SYTL2: variants seen among roughly 807,000 people sequenced by gnomAD.
The protein encoded by SYTL2 is synaptotagmin-like protein 2.
SYTL2 carries 165 observed loss-of-function variants against 198.7 expected under a neutral mutation model. That is an observed-to-expected ratio of 0.83 (90% confidence interval 0.73 to 0.94). The LOEUF (loss-of-function observed/expected upper bound fraction) is 0.94. SYTL2 is among the 40% of genes least tolerant of loss of function. The pLI is 0.00. For synonymous variants in SYTL2, 966 were observed against 917.7 expected (o/e 1.05, Z -0.95); for missense variants, 2,835 against 2,582.8 (o/e 1.10, Z -2.12).
chr11:85,789,340 G>GTATATATA (rs56956411), intron 1 of SYTL2, among the ~76,000 whole-genome samples: 2 of 62,512 alleles, frequency 3.2e-5, no homozygotes, highest in Non-Finnish European at 5.4e-5. Flanking sequence ...GTGTGTGTGT[G>GTATATATA]TATATATATA....
chr11:85,766,201 A>G lies in SYTL2; in HGVS notation c.-389-8087T>C, dbSNP rs779736277. Among the ~76,000 whole-genome samples the G allele has an allele frequency of 3.3e-5, 5 of 152,330 alleles. 1 individual carries two copies. The highest frequency in any genetic ancestry group is 6.8e-3 in the Middle Eastern group (2 of 294). The stretch of plus-strand genomic sequence containing the variant: ...ACCAAGGTTGGACCCCAAGAGGCCT[A>G]AAGTGTCAAGGGGGGGAGTTTGAAC... On this transcript the variant is annotated intron_variant, in intron 1 of 19. Transcript: ENST00000359152.
At chr11:85,757,302 A>T (rs1167707340) in intron 2 of SYTL2, among the ~76,000 whole-genome samples, 1 of 152,188 alleles carries the variant, frequency 6.6e-6, no homozygotes, top group Non-Finnish European at 1.5e-5. Flanking sequence ...CAGTTTTTTT[A>T]AGTGGATAGA....
chr11:85,820,634 C>T, the SYTL2 span, among the ~76,000 whole-genome samples: 1 of 152,270 alleles, frequency 6.6e-6, no homozygotes. Context: ...AGCCATTAAA[C>T]TAGGAAAAAT....
chr11:85,845,486 G>A, the SYTL2 span, among the ~76,000 whole-genome samples: 11 of 152,258 alleles, frequency 7.2e-5, no homozygotes, highest in East Asian at 1.7e-3. Flanking sequence ...ACCTGGGCTG[G>A]GTGCAGTGGC....
At chr11:85,791,857 T>C (rs567214564) in intron 1 of SYTL2, among the ~76,000 whole-genome samples, 215 of 152,208 alleles carry the variant, frequency 1.4e-3, no homozygotes, top group Non-Finnish European at 2.4e-3. Context: ...TTTCTCAACA[T>C]CTTGTAACTG....
chr11:85,753,198 T>C (rs1195838650), intron 2 of SYTL2, among the ~76,000 whole-genome samples: 1 of 152,014 alleles, frequency 6.6e-6, no homozygotes, highest in Admixed American at 6.6e-5. Flanking sequence ...AAATTACATA[T>C]GTGTATGTAT....
upstream of SYTL2, among the ~76,000 whole-genome samples, chr11:85,814,629 T>A (rs1406190015): frequency 6.6e-6 from 1 of 152,222 alleles, no homozygotes; most frequent in Non-Finnish European, 1.5e-5. Flanking sequence ...CTTGGAATGG[T>A]GGAAGGCTGG....
intron 1 of SYTL2, among the ~76,000 whole-genome samples, chr11:85,794,595 C>T (rs2092776529): frequency 6.6e-6 from 1 of 152,178 alleles, no homozygotes; most frequent in African/African-American, 2.4e-5. Context: ...AAATGGGCAT[C>T]ACATCTCTCC....
At chr11:85,714,691 T>TAG in intron 11 of SYTL2, 184 bp from the exon 12 acceptor site, 2 of 1,312,508 alleles carry the variant, frequency 1.5e-6, no homozygotes, top group Non-Finnish European at 2.0e-6. Flanking sequence ...ATAAATTATA[T>TAG]AGAGAGAGAA....
chr11:85,804,000 GC>G (rs1364074863), intron 1 of SYTL2, among the ~76,000 whole-genome samples: 1 of 152,122 alleles, frequency 6.6e-6, no homozygotes, highest in African/African-American at 2.4e-5. Flanking sequence ...TACTATTTTT[GC>G]TTTTCTAAGT....
chr11:85,764,452 T>C (rs1327471124), intron 1 of SYTL2, among the ~76,000 whole-genome samples: 2 of 152,208 alleles, frequency 1.3e-5, no homozygotes, highest in Non-Finnish European at 2.9e-5. Flanking sequence ...AGGATATGAT[T>C]TGAACCCAAG....
At chr11:85,786,821 A>G (rs2092643044) in intron 1 of SYTL2, among the ~76,000 whole-genome samples, 1 of 152,146 alleles carries the variant, frequency 6.6e-6, no homozygotes, top group Non-Finnish European at 1.5e-5. Flanking sequence ...TCTTATCTCC[A>G]TATCTGGGAT....
chr11:85,844,706 C>T, the SYTL2 span, among the ~76,000 whole-genome samples: 523 of 152,326 alleles, frequency 3.4e-3, 2 homozygotes, highest in African/African-American at 0.012. Flanking sequence ...GGACCAGAAA[C>T]TGGAACCAAG....
intron 8 of SYTL2, among the ~76,000 whole-genome samples, chr11:85,722,236 T>A (rs2088435893): frequency 6.9e-6 from 1 of 144,510 alleles, no homozygotes; most frequent in Non-Finnish European, 1.5e-5. Flanking sequence ...TGGAGTGCAG[T>A]GGCGTGATCT....
intron 4 of SYTL2, among the ~76,000 whole-genome samples, chr11:85,743,841 G>C (rs2090970677): frequency 6.6e-6 from 1 of 152,024 alleles, no homozygotes; most frequent in Non-Finnish European, 1.5e-5. Flanking sequence ...TGAGCTATTT[G>C]TCTCTGATGC....
At chr11:85,733,851 G>A (rs1011234113) in intron 7 of SYTL2, 88 bp downstream of exon 7, 14 of 1,011,898 alleles carry the variant, frequency 1.4e-5, no homozygotes, top group Admixed American at 6.3e-5. Context: ...CACCCGCCTC[G>A]GCCTCCCAAA....
At chr11:85,697,404 A>G (rs2083557941) in intron 18 of SYTL2, among the ~76,000 whole-genome samples, 1 of 152,316 alleles carries the variant, frequency 6.6e-6, no homozygotes, top group East Asian at 1.9e-4. Context: ...TATAAATAAA[A>G]TTAGAGAAAC....
chr11:85,745,789 T>C lies in SYTL2; in HGVS notation c.254-17A>G, dbSNP rs764015972. 6.2e-7 allele frequency: 1 copy of C among 1,602,158 alleles called. No individual in the cohort carries two copies. The highest frequency in any genetic ancestry group is 2.2e-5 in the East Asian group (1 of 44,636). On this transcript the variant is annotated splice_polypyrimidine_tract_variant and intron_variant, in intron 3 of 19. Coordinates refer to ENST00000359152, the MANE Select transcript of SYTL2 (RefSeq NM_206927.4). ...TCTGCTCAGCTGAAACAGGAAACAG[T>C]AAAGACAGGAAGGTTATCTCTCACC...
At position 85,717,477 on chromosome 11, in the gene SYTL2, A is replaced by G. The variant is rs1044672249; in HGVS notation, c.5530+6T>C. On this transcript the variant is annotated splice_donor_region_variant and intron_variant, in intron 11 of 19. Transcript: ENST00000359152. Reference sequence around the variant, plus strand: ...AGTCATTTGTGAGAAAGATCCTGCTACTCACTTCTTGGTACGCATTCATTT... The same window carrying G: ...AGTCATTTGTGAGAAAGATCCTGCTGCTCACTTCTTGGTACGCATTCATTT... 19 of 1,611,370 alleles carry G rather than the reference A, an allele frequency of 1.2e-5. No homozygotes were observed. Among genetic ancestry groups the G allele is most frequent in the African/African-American group, 4.0e-5 (3 of 74,830 alleles).
Sources: allele counts gnomAD v4.1 joint callset (sites outside exome capture counted in the v4.1 genomes callset), GRCh38; gene constraint gnomAD v4.1.1; transcripts MANE v1.5; gene names NCBI Gene and HGNC (gene_info 2026-07-23, HGNC 2026-07-21).